TYW1: variants seen among roughly 807,000 people sequenced by gnomAD.
TYW1 encodes S-adenosyl-L-methionine-dependent tRNA 4-demethylwyosine synthase TYW1.
A neutral mutation model predicts 96.2 loss-of-function variants in TYW1; 46 were observed. The ratio of observed to expected loss-of-function variants is 0.48; its 90% CI spans 0.38 to 0.61. TYW1 has a LOEUF of 0.61. Among genes scored for constraint, TYW1 ranks in the 20% least tolerant of loss-of-function variants. The pLI, the probability that TYW1 is intolerant of heterozygous loss-of-function variation, is 0.00. For missense variants in TYW1, 684 were observed against 909.6 expected (o/e 0.75, Z 3.19); for synonymous variants, 274 against 323.0 (o/e 0.85, Z 1.63).
chr7:67,007,672 G>T (rs532290599), intron 3 of TYW1, among the ~76,000 whole-genome samples: 3 of 151,826 alleles, frequency 2.0e-5, no homozygotes, highest in Non-Finnish European at 4.4e-5. Context: ...TCGCTCTGTC[G>T]TCCAGGCTGG....
chr7:67,029,403 G>GTATATA (rs1293072032), intron 7 of TYW1, among the ~76,000 whole-genome samples: 2 of 76,940 alleles, frequency 2.6e-5, no homozygotes, highest in African/African-American at 5.1e-5. Context: ...GTGTGTGTGT[G>GTATATA]TGTGTGTGTG....
At position 67,168,848 on chromosome 7, in the gene TYW1, A is replaced by T. The variant is rs1229401073; in HGVS notation, c.1699-14278A>T. On this transcript the variant is annotated intron_variant, in intron 13 of 15. Coordinates refer to ENST00000359626, the MANE Select transcript of TYW1 (RefSeq NM_018264.4). ...TGCCTCAGCCTCCCGAGTAGCTGGGACTACAGGCATGCAACACCATGCCTG... is the reference window on the plus strand; with the variant it reads ...TGCCTCAGCCTCCCGAGTAGCTGGGTCTACAGGCATGCAACACCATGCCTG... 2.0e-5 allele frequency among the ~76,000 whole-genome samples: 3 copies of T among 151,998 alleles called. No individual in the cohort carries two copies. The East Asian group carries it at 5.8e-4, about 29-fold the overall frequency.
intron 15 of TYW1, among the ~76,000 whole-genome samples, chr7:67,233,641 T>TAA (rs1357728364): frequency 2.2e-5 from 3 of 136,454 alleles, no homozygotes; most frequent in South Asian, 2.4e-4. Flanking sequence ...TCAGGATACT[T>TAA]AACTTCAGAT....
In TYW1 at chr7:67,160,023, C is replaced by G. The variant is rs563491192; in HGVS notation, c.1699-23103C>G. Among the ~76,000 whole-genome samples the G allele has an allele frequency of 1.8e-4, 28 of 152,148 alleles. 1 individual carries two copies. In the South Asian group the frequency reaches 5.2e-3, roughly 28 times the overall value. ...TATCACTGTGTTAGCCAGATGGTCT[C>G]GATCTCCTGACCTCGTGATCAGCCC... On this transcript the variant is annotated intron_variant, in intron 13 of 15. Coordinates refer to ENST00000359626, the MANE Select transcript of TYW1 (RefSeq NM_018264.4).
At chr7:67,237,557 G>C (rs970788888) in intron 15 of TYW1, among the ~76,000 whole-genome samples, 62 of 150,552 alleles carry the variant, frequency 4.1e-4, no homozygotes, top group African/African-American at 1.5e-3. Context: ...TTATGAGTCA[G>C]GTATCAGCAT....
chr7:66,999,075 C>T, intron 3 of TYW1, 121 bp downstream of exon 3: 1 of 1,015,796 alleles, frequency 9.8e-7, no homozygotes, highest in South Asian at 1.4e-5. Flanking sequence ...ATCTAACCTT[C>T]TTTATTCTTT....
intron 10 of TYW1, among the ~76,000 whole-genome samples, chr7:67,078,705 T>C (rs1419903603): frequency 6.6e-6 from 1 of 152,174 alleles, no homozygotes; most frequent in Middle Eastern, 3.2e-3. Context: ...TCTTTCTTTT[T>C]TCTTTGAGAC....
intron 13 of TYW1, among the ~76,000 whole-genome samples, chr7:67,171,052 T>C (rs933952535): frequency 6.6e-5 from 10 of 152,122 alleles, no homozygotes; most frequent in African/African-American, 2.4e-4. Flanking sequence ...TGTTGGGAGT[T>C]TTTTGATTGT....
chr7:67,198,159 T>A (rs1425648672), intron 15 of TYW1, among the ~76,000 whole-genome samples: 1 of 152,108 alleles, frequency 6.6e-6, no homozygotes, highest in Admixed American at 6.6e-5. Flanking sequence ...ACCATCCATA[T>A]TCAAATTTTG....
chr7:67,224,684 T>A (rs1237790784), intron 15 of TYW1, among the ~76,000 whole-genome samples: 1 of 152,240 alleles, frequency 6.6e-6, no homozygotes, highest in Non-Finnish European at 1.5e-5. Context: ...ATTATTTCAT[T>A]ATCTTCTAGT....
intron 10 of TYW1, among the ~76,000 whole-genome samples, chr7:67,068,477 T>C (rs1413241344): frequency 6.6e-6 from 1 of 152,220 alleles, no homozygotes; most frequent in East Asian, 1.9e-4. Context: ...CTTATCTTAG[T>C]TGAACTCCAG....
intron 7 of TYW1, among the ~76,000 whole-genome samples, chr7:67,044,115 T>C (rs1343304519): frequency 1.4e-5 from 2 of 140,140 alleles, no homozygotes; most frequent in Non-Finnish European, 3.0e-5. Flanking sequence ...ATAAGAGTTT[T>C]TTTTTTTTTT....
intron 13 of TYW1, among the ~76,000 whole-genome samples, chr7:67,126,893 A>G (rs1164424341): frequency 6.6e-6 from 1 of 152,020 alleles, no homozygotes; most frequent in African/African-American, 2.4e-5. Context: ...ATTAACATCT[A>G]CTGTATTTGT....
chr7:67,055,691 A>C, intron 8 of TYW1, 144 bp from the exon 9 acceptor site: 3 of 550,960 alleles, frequency 5.4e-6, no homozygotes, highest in Non-Finnish European at 9.9e-6. Flanking sequence ...TTGCTGAATT[A>C]AATCTTTAAT....
rs187293585 is a variant in TYW1 at position 67,160,889 on chromosome 7, G to A, written c.1699-22237G>A. On this transcript the variant is annotated intron_variant, in intron 13 of 15. Coordinates refer to ENST00000359626, the MANE Select transcript of TYW1 (RefSeq NM_018264.4). ...TTAGAGGCGTGATCCACTGTGCCCG[G>A]CCTCTCTATTTCTTTTTTAAGGTAT... is the stretch of plus-strand genomic sequence containing the variant. Among the ~76,000 whole-genome samples, 113 of 152,032 alleles carry A rather than the reference G, an allele frequency of 7.4e-4. 1 individual carries two copies. Among genetic ancestry groups the A allele is most frequent in the South Asian group, 3.1e-3 (15 of 4,808 alleles).
chr7:67,037,746 T>C (rs1466130197), intron 7 of TYW1, among the ~76,000 whole-genome samples: 1 of 152,124 alleles, frequency 6.6e-6, no homozygotes, highest in Non-Finnish European at 1.5e-5. Context: ...GGTGGGAGGA[T>C]TGCTTGAGCC....
chr7:67,122,480 G>A (rs1280265477), intron 13 of TYW1, among the ~76,000 whole-genome samples: 1 of 152,114 alleles, frequency 6.6e-6, no homozygotes, highest in East Asian at 1.9e-4. Context: ...GCAATTTGGG[G>A]GAAGTAAAGA....
At chr7:67,165,987 C>T (rs1373972496) in intron 13 of TYW1, among the ~76,000 whole-genome samples, 3 of 152,070 alleles carry the variant, frequency 2.0e-5, no homozygotes, top group Admixed American at 6.6e-5. Context: ...TGCCTGTAAT[C>T]CCAACACTTT....
intron 4 of TYW1, among the ~76,000 whole-genome samples, chr7:67,012,328 A>AC (rs1793839002): frequency 6.6e-6 from 1 of 151,992 alleles, no homozygotes; most frequent in Non-Finnish European, 1.5e-5. Context: ...AGCCTGGGTG[A>AC]CAGAGCGAGA....
Sources: gnomAD v4.1 joint callset for allele counts (sites outside exome capture counted in the v4.1 genomes callset) on GRCh38, gnomAD v4.1.1 for gene constraint, MANE v1.5 for transcripts, NCBI Gene and HGNC (gene_info 2026-07-23, HGNC 2026-07-21) for gene names.